MYO3B: variants seen among roughly 807,000 people sequenced by gnomAD.
MYO3B encodes myosin IIIB, also known as myosin-IIIb.
A neutral mutation model predicts 174.6 loss-of-function variants in MYO3B; 156 were observed. The ratio of observed to expected loss-of-function variants is 0.89; its 90% CI spans 0.78 to 1.02. The LOEUF (loss-of-function observed/expected upper bound fraction) is 1.02. Ranked by LOEUF, MYO3B falls within the 50% of genes least tolerant of loss-of-function variation. The pLI is 0.00. For synonymous variants in MYO3B, 563 were observed against 569.1 expected (o/e 0.99, Z 0.15); for missense variants, 1,632 against 1,639.4 (o/e 1.00, Z 0.08).
intron 6 of MYO3B, among the ~76,000 whole-genome samples, chr2:170,219,986 T>C (rs183201301): frequency 7.0e-4 from 107 of 152,228 alleles, no homozygotes; most frequent in East Asian, 1.7e-3. Flanking sequence ...TGGCCGGGTG[T>C]GGTGGCTCAT....
chr2:170,268,321 C>T (rs1030314075), intron 7 of MYO3B, among the ~76,000 whole-genome samples: 3 of 152,010 alleles, frequency 2.0e-5, no homozygotes, highest in Non-Finnish European at 2.9e-5. Context: ...GAGAAAATGG[C>T]AGAATGATTA....
intron 25 of MYO3B, among the ~76,000 whole-genome samples, chr2:170,487,016 A>T (rs1559048258): frequency 6.6e-6 from 1 of 152,036 alleles, no homozygotes; most frequent in Non-Finnish European, 1.5e-5. Context: ...TAAAATATAG[A>T]CTCCCAAGGT....
intron 7 of MYO3B, among the ~76,000 whole-genome samples, chr2:170,246,041 T>A (rs1244597910): frequency 6.6e-6 from 1 of 152,354 alleles, no homozygotes; most frequent in East Asian, 1.9e-4. Context: ...ATACAATTAA[T>A]TTTACAAATA....
intron 7 of MYO3B, among the ~76,000 whole-genome samples, chr2:170,240,458 T>C (rs1246285134): frequency 2.0e-5 from 3 of 152,200 alleles, no homozygotes; most frequent in Admixed American, 6.5e-5. Context: ...ATGAGAAAAC[T>C]CAAGGATGTT....
chr2:170,604,317 A>G (rs570844392), intron 32 of MYO3B, among the ~76,000 whole-genome samples: 6 of 152,284 alleles, frequency 3.9e-5, no homozygotes, highest in African/African-American at 1.2e-4. Context: ...AATTGTATGT[A>G]TATAGAATAG....
At chr2:170,495,590 AAC>A (rs1491064226) in intron 25 of MYO3B, among the ~76,000 whole-genome samples, 1 of 151,702 alleles carries the variant, frequency 6.6e-6, no homozygotes, top group Non-Finnish European at 1.5e-5. Context: ...TAAAAAAAAA[AAC>A]ACCCACAGAT....
At chr2:170,247,010 G>A (rs1301205753) in intron 7 of MYO3B, among the ~76,000 whole-genome samples, 1 of 152,158 alleles carries the variant, frequency 6.6e-6, no homozygotes, top group Non-Finnish European at 1.5e-5. Context: ...TTCTCAGTCT[G>A]CTTCTAGATA....
At chr2:170,557,271 CT>C (rs1306996024) in intron 32 of MYO3B, among the ~76,000 whole-genome samples, 1 of 151,948 alleles carries the variant, frequency 6.6e-6, no homozygotes, top group African/African-American at 2.4e-5. Flanking sequence ...TCCGGAGTTG[CT>C]GGGACTACAG....
chr2:170,450,357 T>C (rs1302056343), intron 23 of MYO3B, among the ~76,000 whole-genome samples: 1 of 152,218 alleles, frequency 6.6e-6, no homozygotes, highest in East Asian at 1.9e-4. Flanking sequence ...TTTGGAAAGT[T>C]TGTCACATAT....
At chr2:170,489,562 A>C (rs1230471990) in intron 25 of MYO3B, among the ~76,000 whole-genome samples, 1 of 151,948 alleles carries the variant, frequency 6.6e-6, no homozygotes, top group Non-Finnish European at 1.5e-5. Flanking sequence ...TTTATCACCA[A>C]GGTTGGCTCT....
At position 170,652,167 on chromosome 2, in the gene MYO3B, C is replaced by T; in HGVS notation, c.3887+13C>T. ...CAAGAAAACTTGGGTAAATATCTGT[C>T]TTCTTAGTTCTAAGCAACTGTAAAC... On this transcript the variant is annotated intron_variant, in intron 34 of 34. Coordinates refer to ENST00000408978, the MANE Select transcript of MYO3B (RefSeq NM_138995.5). 6.2e-7 allele frequency: 1 copy of T among 1,612,642 alleles called. No individual in the cohort carries two copies. The highest frequency in any genetic ancestry group is 1.3e-5 in the African/African-American group (1 of 75,012).
intron 7 of MYO3B, among the ~76,000 whole-genome samples, chr2:170,252,355 T>C (rs2093262516): frequency 1.3e-5 from 2 of 152,200 alleles, no homozygotes; most frequent in Admixed American, 1.3e-4. Flanking sequence ...CACAAAATTG[T>C]AAGTAAGGAA....
intron 23 of MYO3B, among the ~76,000 whole-genome samples, chr2:170,455,074 A>T (rs1176096883): frequency 2.6e-5 from 4 of 152,114 alleles, no homozygotes; most frequent in South Asian, 4.2e-4. Flanking sequence ...TACAATACTG[A>T]TGTTATCCCC....
intron 25 of MYO3B, among the ~76,000 whole-genome samples, chr2:170,471,752 G>T (rs1684988978): frequency 6.6e-6 from 1 of 152,124 alleles, no homozygotes; most frequent in Non-Finnish European, 1.5e-5. Flanking sequence ...AGCACTTTGG[G>T]AGGCTGAGGC....
At chr2:170,570,191 G>A (rs550038851) in intron 32 of MYO3B, among the ~76,000 whole-genome samples, 1 of 152,160 alleles carries the variant, frequency 6.6e-6, no homozygotes, top group Non-Finnish European at 1.5e-5. Flanking sequence ...GTTCTTGGCT[G>A]AAGAAAAAGA....
rs1575165278 is a variant in MYO3B, at chr2:170,559,969, G to A, written c.3733+15981G>A. ...CTCTGGAAGCTTTGAGGGGATTCTG[G>A]GTCAGGACTTATCCAAAAATAAGAC... is the stretch of plus-strand genomic sequence containing the variant. On this transcript the variant is annotated intron_variant, in intron 32 of 34. Transcript: ENST00000408978. Among the ~76,000 whole-genome samples, 4 of 152,066 alleles carry A rather than the reference G, an allele frequency of 2.6e-5. No individual in the cohort carries two copies. In the East Asian group the frequency reaches 7.7e-4, roughly 29 times the overall value.
intron 1 of MYO3B, 96 bp from the exon 2 acceptor site, chr2:170,199,112 G>C: frequency 1.3e-6 from 1 of 798,328 alleles, no homozygotes; most frequent in Non-Finnish European, 1.9e-6. Flanking sequence ...AGTAACATGA[G>C]GTTGCTGGTT....
intron 22 of MYO3B, among the ~76,000 whole-genome samples, chr2:170,423,436 A>C (rs964759809): frequency 5.9e-5 from 9 of 152,120 alleles, no homozygotes; most frequent in African/African-American, 1.9e-4. Context: ...TCCCAAAGAA[A>C]ATAAAGTGAG....
At chr2:170,350,228 G>C (rs2094054026) in intron 8 of MYO3B, 1 of 152,078 alleles carries the variant, frequency 6.6e-6, no homozygotes, top group Non-Finnish European at 1.5e-5. Context: ...CCAACTTGTG[G>C]GCTCAAGTGA....
Sources: gnomAD v4.1 joint callset for allele counts (sites outside exome capture counted in the v4.1 genomes callset) on GRCh38, gnomAD v4.1.1 for gene constraint, MANE v1.5 for transcripts, NCBI Gene and HGNC (gene_info 2026-07-23, HGNC 2026-07-21) for gene names.